SDK1: variants seen among roughly 807,000 people sequenced by gnomAD.
SDK1 encodes protein sidekick-1.
In SDK1, 157 loss-of-function variants were observed where a neutral mutation model predicts 245.5. The ratio of observed to expected loss-of-function variants is 0.64; its 90% CI spans 0.56 to 0.73. The LOEUF is 0.73. SDK1 is among the 30% of genes least tolerant of loss of function. The pLI, the probability that SDK1 is intolerant of heterozygous loss-of-function variation, is 0.00. For missense variants in SDK1, 3,583 were observed against 3,002.3 expected (o/e 1.19, Z -4.52); for synonymous variants, 1,647 against 1,278.5 (o/e 1.29, Z -6.15).
In SDK1 at chr7:4,145,776, T is replaced by G. The variant is rs1779926451; in HGVS notation, c.4283T>G (p.Val1428Gly). The change falls in exon 29 of 45, where the codon GTG (valine) becomes GGG (glycine). Residue 1428 changes from valine (V) to glycine (G), a missense_variant. Val to Gly is a moderately radical substitution (Grantham distance 109). Transcript: ENST00000404826. ...AGCAGCCCCCACACCTTCACCACCGTGGAGGTCGGCGCCACAGTGAGGCAG... is the reference window on the plus strand; with the variant it reads ...AGCAGCCCCCACACCTTCACCACCGGGGAGGTCGGCGCCACAGTGAGGCAG... ...ASSSPHTFTT[V>G]EVGATVRQFT... 11 of 1,613,406 alleles carry G rather than the reference T, an allele frequency of 6.8e-6. No individual in the cohort carries two copies. In the East Asian group the frequency reaches 2.5e-4, roughly 36 times the overall value.
rs142632659 is a variant in SDK1 at position 4,220,258 on chromosome 7, G to C, written c.5689G>C (p.Gly1897Arg). Reference protein sequence around the residue: ...GPELQANITAGPAEGSPGSPR... With the variant: ...GPELQANITARPAEGSPGSPR... ...CGAGCTCCAAGCCAATATCACAGCCGGGCCAGCCGAGGGTAAGTGGAACTC... is the reference window on the plus strand; with the variant it reads ...CGAGCTCCAAGCCAATATCACAGCCCGGCCAGCCGAGGGTAAGTGGAACTC... Residue 1897 changes from glycine to arginine, a missense_variant, in exon 39 of 45, where the codon GGG (glycine) becomes CGG (arginine). Physicochemically the swap from Gly to Arg is moderately radical, Grantham distance 125 (BLOSUM62 -2). Coordinates refer to ENST00000404826, the MANE Select transcript of SDK1 (RefSeq NM_152744.4). 3 of 1,613,438 alleles carry C rather than the reference G, an allele frequency of 1.9e-6. No homozygotes were observed. The highest frequency in any genetic ancestry group is 2.5e-6 in the Non-Finnish European group (3 of 1,179,720).
chr7:3,562,663 A>G (rs1333215690), intron 1 of SDK1, among the ~76,000 whole-genome samples: 2 of 152,206 alleles, frequency 1.3e-5, no homozygotes, highest in Non-Finnish European at 2.9e-5. Context: ...AGTATACATA[A>G]CATAAACTTA....
chr7:4,044,988 C>T (rs1012997038), intron 17 of SDK1, among the ~76,000 whole-genome samples: 3 of 152,136 alleles, frequency 2.0e-5, no homozygotes, highest in African/African-American at 4.8e-5. Flanking sequence ...TATATCTTTG[C>T]CTATTTCAGA....
intron 1 of SDK1, among the ~76,000 whole-genome samples, chr7:3,404,865 A>T (rs980005289): frequency 6.6e-6 from 1 of 152,210 alleles, no homozygotes; most frequent in Non-Finnish European, 1.5e-5. Context: ...TGTAATGTTA[A>T]TTTTGTGCTC....
At chr7:3,486,834 T>G (rs1056629340) in intron 1 of SDK1, among the ~76,000 whole-genome samples, 3 of 152,208 alleles carry the variant, frequency 2.0e-5, no homozygotes, top group African/African-American at 7.2e-5. Flanking sequence ...TTTGTGAACA[T>G]TCCACATGTT....
chr7:3,831,865 A>G (rs1779920073), intron 5 of SDK1, among the ~76,000 whole-genome samples: 1 of 152,082 alleles, frequency 6.6e-6, no homozygotes, highest in South Asian at 2.1e-4. Flanking sequence ...TGGGCAACAC[A>G]GGGAGACTCT....
At chr7:4,094,683 C>T (rs1193017252) in intron 22 of SDK1, among the ~76,000 whole-genome samples, 4 of 152,192 alleles carry the variant, frequency 2.6e-5, no homozygotes, top group African/African-American at 9.6e-5. Context: ...TGTGGACCTC[C>T]CTGGCACAGC....
At chr7:3,445,185 C>G (rs1780308191) in intron 1 of SDK1, among the ~76,000 whole-genome samples, 2 of 152,048 alleles carry the variant, frequency 1.3e-5, no homozygotes, top group Admixed American at 1.3e-4. Flanking sequence ...ACCTTATTAA[C>G]AGGTCAAACA....
intron 22 of SDK1, among the ~76,000 whole-genome samples, chr7:4,089,266 G>A (rs1420914585): frequency 2.0e-5 from 3 of 152,236 alleles, no homozygotes; most frequent in African/African-American, 7.2e-5. Context: ...GGTGCTCAGT[G>A]CCTCCCAATC....
chr7:3,978,610 C>T (rs1342053549), intron 13 of SDK1, among the ~76,000 whole-genome samples: 5 of 152,020 alleles, frequency 3.3e-5, no homozygotes. Context: ...TCTTTAGATC[C>T]AACAGAGCTT....
At position 3,380,426 on chromosome 7, in the gene SDK1, G is replaced by A. The variant is rs73294267; in HGVS notation, c.298+78542G>A. On this transcript the variant is annotated intron_variant, in intron 1 of 44. Coordinates refer to ENST00000404826, the MANE Select transcript of SDK1 (RefSeq NM_152744.4). The stretch of plus-strand genomic sequence containing the variant: ...ACAGCGTTTTAAGAGTTACAGAAAA[G>A]CTATCATTTTGAGCTACCTTGAGAC... Among the ~76,000 whole-genome samples the A allele has an allele frequency of 9.2e-3, 1,402 of 152,298 alleles. 29 individuals carry two copies. Among genetic ancestry groups the A allele is most frequent in the African/African-American group, 0.032 (1,320 of 41,556 alleles).
Position 4,016,219 on chromosome 7 carries a change from G to T in SDK1, c.2421-952G>T, listed in dbSNP as rs145401550. On this transcript the variant is annotated intron_variant, in intron 16 of 44. Coordinates refer to ENST00000404826, the MANE Select transcript of SDK1 (RefSeq NM_152744.4). The stretch of plus-strand genomic sequence containing the variant: ...TGGAGGAGCCTGAAGATTTCCACAT[G>T]CCGTGAAAAGCCAGCGGATTTGCTG... Among the ~76,000 whole-genome samples the T allele has an allele frequency of 2.4e-3, 372 of 152,348 alleles. 1 individual carries two copies. The highest frequency in any genetic ancestry group is 8.1e-3 in the African/African-American group (338 of 41,582).
At chr7:3,620,198 C>T (rs563397088) in intron 2 of SDK1, among the ~76,000 whole-genome samples, 10 of 152,106 alleles carry the variant, frequency 6.6e-5, no homozygotes, top group East Asian at 1.9e-4. Context: ...TACGGTGGTC[C>T]GTGGAACCAC....
At position 4,074,876 on chromosome 7, in the gene SDK1, C is replaced by CTG. The variant is rs1406364305; in HGVS notation, c.3011-2121_3011-2120insGT. ...AGACTTTCTCTCTCTCTCTCTCTCT[C>CTG]TCTCTCTCTGTATATATATATATAT... On this transcript the variant is annotated intron_variant, in intron 20 of 44. Transcript: ENST00000404826. Among the ~76,000 whole-genome samples, 86 of 93,904 alleles carry CTG rather than the reference C, an allele frequency of 9.2e-4. 3 individuals carry two copies. Among genetic ancestry groups the CTG allele is most frequent in the African/African-American group, 5.5e-3 (80 of 14,494 alleles). 61.6% of individuals were successfully genotyped at this position (93,904 alleles called of 152,430 possible).
chr7:4,150,072 G>C (rs1021616207), intron 30 of SDK1, among the ~76,000 whole-genome samples: 5 of 152,070 alleles, frequency 3.3e-5, no homozygotes, highest in Admixed American at 1.3e-4. Context: ...GGTCCCCCAG[G>C]GTCCTCACAA....
chr7:3,922,511 A>G (rs1459713458), intron 5 of SDK1, among the ~76,000 whole-genome samples: 1 of 152,258 alleles, frequency 6.6e-6, no homozygotes, highest in Non-Finnish European at 1.5e-5. Context: ...AGAAATGAGT[A>G]TGGCCAGTGA....
At chr7:3,313,673 C>T (rs774211059) in intron 1 of SDK1, among the ~76,000 whole-genome samples, 10 of 151,964 alleles carry the variant, frequency 6.6e-5, no homozygotes, top group Non-Finnish European at 1.0e-4. Flanking sequence ...GCAGTAGGGA[C>T]GGGTTTGGGA....
intron 1 of SDK1, among the ~76,000 whole-genome samples, chr7:3,471,654 A>G (rs941001267): frequency 6.6e-6 from 1 of 152,216 alleles, no homozygotes; most frequent in African/African-American, 2.4e-5. Context: ...TGTCAACTTC[A>G]GATCCATAGG....
intron 8 of SDK1, among the ~76,000 whole-genome samples, chr7:3,959,487 GCA>G (rs1781508784): frequency 1.3e-5 from 2 of 152,216 alleles, no homozygotes; most frequent in African/African-American, 4.8e-5. Context: ...CTGATGTATT[GCA>G]CAGTGGTGAA....
Sources: allele counts gnomAD v4.1 joint callset (sites outside exome capture counted in the v4.1 genomes callset), GRCh38; gene constraint gnomAD v4.1.1; transcripts MANE v1.5; gene names NCBI Gene and HGNC (gene_info 2026-07-23, HGNC 2026-07-21).